Variants in PHACTR4 observed in about 807,000 individuals in gnomAD.
PHACTR4 encodes phosphatase and actin regulator 4.
Under a neutral mutation model 72.7 loss-of-function variants are expected in PHACTR4, and 51 were observed. That is an observed-to-expected ratio of 0.70 (90% CI 0.56 to 0.89). The LOEUF is 0.89. PHACTR4 is among the 40% of genes least tolerant of loss of function. The pLI is 0.00. For synonymous variants in PHACTR4, 255 were observed against 302.5 expected (o/e 0.84, Z 1.63); for missense variants, 731 against 861.8 (o/e 0.85, Z 1.90).
At chr1:28,379,130 T>C (rs1451601872) in intron 1 of PHACTR4, among the ~76,000 whole-genome samples, 1 of 151,982 alleles carries the variant, frequency 6.6e-6, no homozygotes, top group Non-Finnish European at 1.5e-5. Context: ...AATTTTTGGG[T>C]TTTTTGTAGC....
chr1:28,464,308 C>T (rs1414423839), intron 4 of PHACTR4, among the ~76,000 whole-genome samples: 1 of 152,156 alleles, frequency 6.6e-6, no homozygotes, highest in African/African-American at 2.4e-5. Flanking sequence ...CCTGCCAGAC[C>T]AAACTAGTTG....
At chr1:28,399,801 A>C (rs1043526158) in intron 1 of PHACTR4, among the ~76,000 whole-genome samples, 2 of 152,234 alleles carry the variant, frequency 1.3e-5, no homozygotes, top group African/African-American at 4.8e-5. Flanking sequence ...GTAAATGGAT[A>C]GAATGTTTTG....
intron 2 of PHACTR4, among the ~76,000 whole-genome samples, chr1:28,412,456 T>C (rs1403863005): frequency 2.6e-5 from 4 of 152,236 alleles, no homozygotes; most frequent in African/African-American, 9.6e-5. Context: ...ATATATGTAC[T>C]AAAGGGTTGA....
chr1:28,375,776 A>G lies in PHACTR4; in HGVS notation c.-39+5951A>G, dbSNP rs547819338. Among the ~76,000 whole-genome samples, 14 of 152,236 alleles carry G rather than the reference A, an allele frequency of 9.2e-5. No homozygotes were observed. The East Asian group carries it at 2.7e-3, about 29-fold the overall frequency. ...GGGAGCTCTAAAGTCCTGTTGTAAA[A>G]CTTTCACAATCGGCCAGGCGCGGTG... On this transcript the variant is annotated intron_variant, in intron 1 of 13. Coordinates refer to ENST00000373839, the MANE Select transcript of PHACTR4 (RefSeq NM_001048183.3).
intron 9 of PHACTR4, among the ~76,000 whole-genome samples, chr1:28,487,469 G>C (rs866118867): frequency 7.1e-6 from 1 of 141,810 alleles, no homozygotes; most frequent in Non-Finnish European, 1.5e-5. Context: ...AGCTGTGATC[G>C]CACCACTGCA....
intron 1 of PHACTR4, among the ~76,000 whole-genome samples, 162 bp downstream of exon 1, chr1:28,369,987 C>A (rs1038546458): frequency 1.3e-5 from 2 of 152,120 alleles, no homozygotes; most frequent in African/African-American, 2.4e-5. Context: ...CGGGGCGGGG[C>A]CGCCGCCTCC....
intron 2 of PHACTR4, among the ~76,000 whole-genome samples, chr1:28,432,371 CTT>C (rs112055906): frequency 1.5e-4 from 20 of 135,536 alleles, no homozygotes; most frequent in Non-Finnish European, 1.7e-4. Context: ...CTCTCTCTCT[CTT>C]TTTTTTTTTT....
chr1:28,446,276 C>T (rs1657460782), intron 2 of PHACTR4, among the ~76,000 whole-genome samples: 1 of 152,152 alleles, frequency 6.6e-6, no homozygotes, highest in African/African-American at 2.4e-5. Context: ...ACTTATTGAT[C>T]CCTCTCTCTG....
chr1:28,422,486 C>A (rs1323656368), intron 2 of PHACTR4: 2 of 152,134 alleles, frequency 1.3e-5, no homozygotes, highest in African/African-American at 4.8e-5. Context: ...CAAGGAGAGT[C>A]CTGGAACAAA....
At position 28,473,765 on chromosome 1, in the gene PHACTR4, C is replaced by T; in HGVS notation, c.1035C>T (p.Pro345=). 6 of 1,613,898 alleles carry T rather than the reference C, an allele frequency of 3.7e-6. No homozygotes were observed. The highest frequency in any genetic ancestry group is 3.3e-5 in the South Asian group (3 of 91,084). ...TGATCTCACCTCGCTCTCCGTCCCC[C>T]CCACTGCCTACTCATATACCTCCAG... ...LPMISPRSPS[P]PLPTHIPPEP... Residue 345 remains proline (P), a synonymous_variant, in exon 7 of 14, where the codon CCC becomes CCT. Transcript: ENST00000373839.
At chr1:28,399,249 T>C (rs375875769) in intron 1 of PHACTR4, among the ~76,000 whole-genome samples, 1 of 151,580 alleles carries the variant, frequency 6.6e-6, no homozygotes, top group South Asian at 2.1e-4. Flanking sequence ...GAGGCGGGGG[T>C]TATAGTAAGC....
At position 28,396,579 on chromosome 1, in the gene PHACTR4, C is replaced by T. The variant is rs1395156365; in HGVS notation, c.-38-10831C>T. On this transcript the variant is annotated intron_variant, in intron 1 of 13. Coordinates refer to ENST00000373839, the MANE Select transcript of PHACTR4 (RefSeq NM_001048183.3). ...ATGCGTGTAGATTACAGTATTTACT[C>T]CTTATATTAATGTAGTAGCATCTGA... 2.0e-5 allele frequency among the ~76,000 whole-genome samples: 3 copies of T among 150,780 alleles called. No homozygotes were observed. In the East Asian group the frequency reaches 5.9e-4, roughly 29 times the overall value.
chr1:28,401,132 C>T (rs1653913504), intron 1 of PHACTR4, among the ~76,000 whole-genome samples: 1 of 151,876 alleles, frequency 6.6e-6, no homozygotes, highest in Non-Finnish European at 1.5e-5. Flanking sequence ...TGTAAGCAAG[C>T]ACATAATTAG....
intron 2 of PHACTR4, among the ~76,000 whole-genome samples, chr1:28,450,347 C>T (rs1657851424): frequency 1.3e-5 from 2 of 151,110 alleles, no homozygotes; most frequent in South Asian, 4.2e-4. Flanking sequence ...TTTAAAATGC[C>T]ATAACTAGTT....
intron 2 of PHACTR4, among the ~76,000 whole-genome samples, chr1:28,408,893 G>A (rs951085155): frequency 9.4e-5 from 14 of 149,314 alleles, no homozygotes; most frequent in South Asian, 4.2e-4. Context: ...TTGAGCAGGC[G>A]GCTCTGGAAT....
intron 2 of PHACTR4, among the ~76,000 whole-genome samples, chr1:28,434,009 A>G (rs1285342172): frequency 6.7e-6 from 1 of 150,154 alleles, no homozygotes; most frequent in Non-Finnish European, 1.5e-5. Context: ...TGAACTCCTA[A>G]TCTCATGATC....
chr1:28,399,128 A>G (rs1653755401), intron 1 of PHACTR4, among the ~76,000 whole-genome samples: 1 of 152,132 alleles, frequency 6.6e-6, no homozygotes, highest in Non-Finnish European at 1.5e-5. Flanking sequence ...CCTGGCCAAC[A>G]TGGTGGAACC....
At position 28,378,326 on chromosome 1, in the gene PHACTR4, A is replaced by AC. The variant is rs1651860180; in HGVS notation, c.-39+8505dup. Among the ~76,000 whole-genome samples the AC allele has an allele frequency of 4.2e-5, 6 of 144,348 alleles. No homozygotes were observed. The South Asian group carries it at 1.3e-3, about 31-fold the overall frequency. The allele number at this position is 144,348 out of a possible 152,430, so 94.7% of individuals were successfully genotyped here. Reference sequence around the variant, plus strand: ...AGACCAGCCTGGCTAACATGGTGAAACCCCGTCTCTACTAAAAAAAAAAAA... The same window carrying AC: ...AGACCAGCCTGGCTAACATGGTGAAACCCCCGTCTCTACTAAAAAAAAAAAA... On this transcript the variant is annotated intron_variant, in intron 1 of 13. Coordinates refer to ENST00000373839, the MANE Select transcript of PHACTR4 (RefSeq NM_001048183.3).
intron 2 of PHACTR4, among the ~76,000 whole-genome samples, chr1:28,407,847 G>A (rs940170511): frequency 6.6e-6 from 1 of 152,174 alleles, no homozygotes; most frequent in Non-Finnish European, 1.5e-5. Flanking sequence ...AGCCAGGAGT[G>A]GTGGCTCACG....
Sources: allele counts gnomAD v4.1 joint callset (sites outside exome capture counted in the v4.1 genomes callset), GRCh38; gene constraint gnomAD v4.1.1; transcripts MANE v1.5; gene names NCBI Gene and HGNC (gene_info 2026-07-23, HGNC 2026-07-21).